The following SH3RF3 variants were observed in gnomAD, a reference collection of about 807,000 sequenced individuals.
The protein encoded by SH3RF3 is SH3 domain containing ring finger 3.
Under a neutral mutation model 66.3 loss-of-function variants are expected in SH3RF3, and 29 were observed. The ratio of observed to expected loss-of-function variants is 0.44; its 90% CI spans 0.33 to 0.60. The LOEUF (loss-of-function observed/expected upper bound fraction) is 0.60. Among genes scored for constraint, SH3RF3 ranks in the 20% least tolerant of loss-of-function variants. The probability of loss-of-function intolerance (pLI) is 0.04; values close to 1 mark genes in which losing one functional copy is unlikely to be tolerated. For missense variants in SH3RF3, 1,194 were observed against 1,190.9 expected (o/e 1.00, Z -0.04); for synonymous variants, 583 against 532.0 (o/e 1.10, Z -1.32).
At chr2:109,486,708 G>C (rs1282556161) in intron 8 of SH3RF3, among the ~76,000 whole-genome samples, 1 of 152,066 alleles carries the variant, frequency 6.6e-6, no homozygotes, top group Non-Finnish European at 1.5e-5. Context: ...CAGTGTGGTT[G>C]GCGCAGGATG....
At chr2:109,249,517 C>T (rs1680015352) in intron 1 of SH3RF3, among the ~76,000 whole-genome samples, 2 of 86,996 alleles carry the variant, frequency 2.3e-5, no homozygotes, top group East Asian at 3.9e-4. Context: ...TTCATTCTTT[C>T]TTTTTCTTTC....
chr2:109,140,401 G>A (rs1676919455), intron 1 of SH3RF3, among the ~76,000 whole-genome samples: 2 of 149,530 alleles, frequency 1.3e-5, no homozygotes. Flanking sequence ...TTTTTTTAGA[G>A]ACGGAGTCTT....
intron 1 of SH3RF3, among the ~76,000 whole-genome samples, chr2:109,243,606 A>G (rs1215138936): frequency 6.6e-6 from 1 of 152,286 alleles, no homozygotes; most frequent in East Asian, 1.9e-4. Context: ...GTGGCTGGGG[A>G]ACATTTTTAA....
intron 1 of SH3RF3, among the ~76,000 whole-genome samples, chr2:109,284,091 G>A (rs1056453383): frequency 6.6e-6 from 1 of 152,152 alleles, no homozygotes; most frequent in Admixed American, 6.5e-5. Context: ...GGCCTTCCCA[G>A]ATCCACCGTA....
intron 8 of SH3RF3, among the ~76,000 whole-genome samples, chr2:109,460,195 T>C (rs1193772909): frequency 6.6e-6 from 1 of 152,250 alleles, no homozygotes; most frequent in East Asian, 1.9e-4. Context: ...TAAGGCATTC[T>C]GAAGTCCATG....
At chr2:109,334,695 G>A (rs1424417848) in intron 1 of SH3RF3, among the ~76,000 whole-genome samples, 2 of 152,182 alleles carry the variant, frequency 1.3e-5, no homozygotes, top group Non-Finnish European at 2.9e-5. Context: ...ACAGACACAG[G>A]GAGAAAAAGC....
chr2:109,490,423 G>A (rs1363660080), intron 8 of SH3RF3, among the ~76,000 whole-genome samples, 182 bp from the exon 9 acceptor site: 6 of 152,308 alleles, frequency 3.9e-5, no homozygotes, highest in South Asian at 2.1e-4. Context: ...TCAGGGAACT[G>A]GTGCAAGAAA....
chr2:109,198,102 G>T (rs1369996499), intron 1 of SH3RF3, among the ~76,000 whole-genome samples: 1 of 152,168 alleles, frequency 6.6e-6, no homozygotes, highest in African/African-American at 2.4e-5. Context: ...GGAGCCTGCT[G>T]TGACATTTGA....
intron 4 of SH3RF3, among the ~76,000 whole-genome samples, chr2:109,413,210 G>A (rs1305753085): frequency 2.0e-5 from 3 of 152,214 alleles, no homozygotes; most frequent in African/African-American, 7.2e-5. Flanking sequence ...CGCCTCATGG[G>A]TTCAAACGAT....
intron 5 of SH3RF3, among the ~76,000 whole-genome samples, chr2:109,429,963 C>T (rs1677147682): frequency 6.6e-6 from 1 of 152,204 alleles, no homozygotes; most frequent in Non-Finnish European, 1.5e-5. Context: ...AACAAGGCCT[C>T]CACAGAGCAC....
At chr2:109,279,741 G>A (rs115215785) in intron 1 of SH3RF3, among the ~76,000 whole-genome samples, 1,515 of 108,332 alleles carry the variant, frequency 0.014, 35 homozygotes, top group African/African-American at 0.046. Flanking sequence ...GTACGCTTGG[G>A]AGCAGTGACG....
intron 3 of SH3RF3, among the ~76,000 whole-genome samples, chr2:109,389,574 C>G (rs1675925025): frequency 6.6e-6 from 1 of 152,152 alleles, no homozygotes; most frequent in Non-Finnish European, 1.5e-5. Flanking sequence ...CTGCTCTAAG[C>G]CAGAGATCTC....
chr2:109,180,197 C>T (rs1678044286), intron 1 of SH3RF3, among the ~76,000 whole-genome samples: 1 of 151,994 alleles, frequency 6.6e-6, no homozygotes, highest in African/African-American at 2.4e-5. Flanking sequence ...CCTGTGCTGC[C>T]ACTGAACCAC....
chr2:109,293,443 C>T (rs989563507), intron 1 of SH3RF3, among the ~76,000 whole-genome samples: 19 of 152,200 alleles, frequency 1.2e-4, no homozygotes, highest in South Asian at 1.0e-3. Context: ...CAGGCTACCC[C>T]AGTGGTGACC....
chr2:109,500,796 T>G (rs1307643821), intron 9 of SH3RF3, among the ~76,000 whole-genome samples: 1 of 151,618 alleles, frequency 6.6e-6, no homozygotes, highest in African/African-American at 2.4e-5. Flanking sequence ...AAAAAAAAAT[T>G]AGAAATTGGC....
intron 1 of SH3RF3, among the ~76,000 whole-genome samples, chr2:109,330,714 T>C (rs926237809): frequency 1.3e-5 from 2 of 152,064 alleles, no homozygotes; most frequent in Non-Finnish European, 2.9e-5. Context: ...GACGGATGGA[T>C]GAATAAACAA....
At chr2:109,275,992 C>T (rs776720286) in intron 1 of SH3RF3, among the ~76,000 whole-genome samples, 3 of 152,170 alleles carry the variant, frequency 2.0e-5, no homozygotes, top group Non-Finnish European at 4.4e-5. Flanking sequence ...GACGAACATG[C>T]CCCCATTTGG....
At chr2:109,472,702 A>G (rs1678556695) in intron 8 of SH3RF3, among the ~76,000 whole-genome samples, 1 of 152,230 alleles carries the variant, frequency 6.6e-6, no homozygotes, top group South Asian at 2.1e-4. Flanking sequence ...CATCCTTCAG[A>G]AGGAGGCCAG....
intron 1 of SH3RF3, among the ~76,000 whole-genome samples, chr2:109,220,884 A>C (rs1042351637): frequency 6.6e-6 from 1 of 152,242 alleles, no homozygotes; most frequent in African/African-American, 2.4e-5. Context: ...TTGAACACAG[A>C]ATTAACTATA....
Sources: gnomAD v4.1 joint callset for allele counts (sites outside exome capture counted in the v4.1 genomes callset) on GRCh38, gnomAD v4.1.1 for gene constraint, MANE v1.5 for transcripts, NCBI Gene and HGNC (gene_info 2026-07-23, HGNC 2026-07-21) for gene names.